The following FAM107A variants were observed in gnomAD, a reference collection of about 807,000 sequenced individuals.
FAM107A encodes family with sequence similarity 107 member A, also known as actin-associated protein FAM107A.
In FAM107A, 19 loss-of-function variants were observed where a neutral mutation model predicts 13.7. That is an observed-to-expected ratio of 1.38 (90% CI 0.97 to 2.03). The LOEUF is 2.03. Among genes scored for constraint, FAM107A ranks in the 30% most tolerant of loss-of-function variants. The pLI is 0.00. For synonymous variants in FAM107A, 82 were observed against 74.5 expected, an observed-to-expected ratio of 1.10 and a Z score of -0.52; for missense variants, 203 against 184.4, an observed-to-expected ratio of 1.10 and a Z score of -0.58.
rs1380744230 is a variant in FAM107A at position 58,567,231 on chromosome 3, T to C, written c.304A>G (p.Arg102Gly). Residue 102 changes from arginine (R) to glycine (G), a missense_variant, in exon 3 of 4, where the codon AGA becomes GGA. Arg to Gly is a moderately radical substitution (Grantham distance 125, BLOSUM62 -2). Coordinates refer to ENST00000360997, the MANE Select transcript of FAM107A (RefSeq NM_001076778.3). ...ACCTGGTTCAGCCTCTGCTGCCGTC[T>C]CAGCAGCTCCTGCTCAAAGGGGCAC... is the stretch of plus-strand genomic sequence containing the variant. ...LQCPFEQELL[R>G]RQQRLNQLEK... The C allele has an allele frequency of 1.9e-6, 3 of 1,614,062 alleles. No homozygotes were observed. Among genetic ancestry groups the C allele is most frequent in the African/African-American group, 2.7e-5 (2 of 74,924 alleles).
At position 58,569,460 on chromosome 3, in the gene FAM107A, A is replaced by T. The variant is rs1347840515; in HGVS notation, c.170+231T>A. Among the ~76,000 whole-genome samples the T allele has an allele frequency of 6.6e-6, 1 of 152,304 alleles. No individual in the cohort carries two copies. Among genetic ancestry groups the T allele is most frequent in the African/African-American group, 2.4e-5 (1 of 41,578 alleles). ...AATGTATCTGGAGTGTGGGCATGAA[A>T]TGGGTGGCTGGGCAAGAGAACAGGG... On this transcript the variant is annotated intron_variant, in intron 2 of 3. Coordinates refer to ENST00000360997, the MANE Select transcript of FAM107A (RefSeq NM_001076778.3). This position sits in a 1 kb window ranked among gnomAD's most constrained non-coding sequence, Gnocchi z 5.7.
At chr3:58,619,639 A>G in intron 1 of FAM107A, among the ~76,000 whole-genome samples, 1 of 151,950 alleles carries the variant, frequency 6.6e-6, no homozygotes, top group East Asian at 1.9e-4. Context: ...TGCTTCCCTC[A>G]TCATAGTACC....
At chr3:58,580,662 C>G (rs776134259), upstream of FAM107A, among the ~76,000 whole-genome samples, 73 of 152,078 alleles carry the variant, frequency 4.8e-4, no homozygotes, top group Admixed American at 1.6e-3. Context: ...GTTCCTCCTG[C>G]TTCAGCCTCC....
chr3:58,583,910 G>A (rs1009973579), intron 1 of FAM107A, among the ~76,000 whole-genome samples: 7 of 152,098 alleles, frequency 4.6e-5, no homozygotes, highest in Non-Finnish European at 1.0e-4. Context: ...TTGAACTCCC[G>A]GCCTCAAGGC....
At chr3:58,567,037 G>A (rs2063628794) in intron 3 of FAM107A, 171 bp downstream of exon 3, 1 of 784,372 alleles carries the variant, frequency 1.3e-6, no homozygotes, top group Non-Finnish European at 2.1e-6. Context: ...CTCGCCCTAA[G>A]GACCTAGCAA....
intron 1 of FAM107A, among the ~76,000 whole-genome samples, chr3:58,571,846 G>A (rs901894199): frequency 1.3e-5 from 2 of 152,152 alleles, no homozygotes; most frequent in African/African-American, 4.8e-5. Context: ...CTATTCACCT[G>A]TTCTTAGTCC....
chr3:58,620,231 G>T (rs2065940031), intron 1 of FAM107A, among the ~76,000 whole-genome samples: 1 of 152,208 alleles, frequency 6.6e-6, no homozygotes, highest in Non-Finnish European at 1.5e-5. Flanking sequence ...CTCTGTGAGT[G>T]TGATGGGGTT....
intron 1 of FAM107A, among the ~76,000 whole-genome samples, chr3:58,624,268 A>G (rs2065987633): frequency 6.6e-6 from 1 of 152,208 alleles, no homozygotes; most frequent in Non-Finnish European, 1.5e-5. Flanking sequence ...TCTGTGTGTT[A>G]AAATATCTTC....
chr3:58,617,681 C>T lies in FAM107A; in HGVS notation c.-70+9735G>A, dbSNP rs2065916310. 1.3e-5 allele frequency among the ~76,000 whole-genome samples: 2 copies of T among 152,070 alleles called. No homozygotes were observed. Among genetic ancestry groups the T allele is most frequent in the African/African-American group, 4.8e-5 (2 of 41,392 alleles). On this transcript the variant is annotated intron_variant, in intron 1 of 3. Coordinates refer to the FAM107A transcript ENST00000465970. This position sits in a 1 kb window ranked among gnomAD's most constrained non-coding sequence, Gnocchi z 4.5. ...GAGAAAACCGGCTTTTGATTTGGCC[C>T]CTCTTGCACCACCTCCAAACCCTTT...
chr3:58,573,028 G>A (rs1037336811), intron 1 of FAM107A, among the ~76,000 whole-genome samples: 20 of 133,662 alleles, frequency 1.5e-4, no homozygotes, highest in Non-Finnish European at 3.2e-4. Context: ...CTGGCTCAAT[G>A]ACTTGCTCCA....
intron 1 of FAM107A, among the ~76,000 whole-genome samples, chr3:58,592,810 A>T (rs2065664436): frequency 6.6e-6 from 1 of 152,204 alleles, no homozygotes; most frequent in South Asian, 2.1e-4. Context: ...AAGATGTTAC[A>T]GGGTAAAGTC....
At chr3:58,566,796 C>G in intron 3 of FAM107A, 101 bp from the exon 4 acceptor site, 1 of 858,714 alleles carries the variant, frequency 1.2e-6, no homozygotes, top group Non-Finnish European at 1.9e-6. Context: ...AGTGGGGAAA[C>G]AGAACCAACC....
upstream of FAM107A, chr3:58,589,271 T>A (rs760818212): frequency 4.6e-6 from 7 of 1,531,414 alleles, no homozygotes; most frequent in South Asian, 8.3e-5. Flanking sequence ...GTATGTTTTC[T>A]GTAAACAGAA....
chr3:58,566,282 G>T lies in FAM107A; in HGVS notation c.*306C>A, dbSNP rs1222617191. On this transcript the variant is annotated 3_prime_UTR_variant, in exon 4 of 4. Coordinates refer to ENST00000360997, the MANE Select transcript of FAM107A (RefSeq NM_001076778.3). ...AACAGAAGGCTTGTCAAGTCAGAGG[G>T]CCACCTCTTCCTCCTCAATTCTGCC... 6.4e-6 allele frequency: 2 copies of T among 314,548 alleles called. No individual in the cohort carries two copies. The highest frequency in any genetic ancestry group is 4.9e-5 in the Admixed American group (1 of 20,506). 19.5% of individuals were successfully genotyped at this position (314,548 alleles called of 1,614,324 possible). A position where few individuals can be genotyped will look rare whatever the true frequency, so the allele number is the denominator to read the frequency against.
At chr3:58,624,133 A>G (rs1412846863) in intron 1 of FAM107A, among the ~76,000 whole-genome samples, 1 of 152,196 alleles carries the variant, frequency 6.6e-6, no homozygotes, top group Non-Finnish European at 1.5e-5. Flanking sequence ...GTGTAATGCA[A>G]GGGCTTAAAA....
upstream of FAM107A, among the ~76,000 whole-genome samples, chr3:58,581,217 C>A (rs1306392743): frequency 6.6e-6 from 1 of 152,196 alleles, no homozygotes; most frequent in Non-Finnish European, 1.5e-5. Context: ...CTGGGCACAC[C>A]CCTCCTGTCT....
chr3:58,586,605 G>A (rs558645780), intron 1 of FAM107A, among the ~76,000 whole-genome samples: 1 of 152,078 alleles, frequency 6.6e-6, no homozygotes, highest in African/African-American at 2.4e-5. Flanking sequence ...GGGAGGATGG[G>A]GAGGATCGCT....
upstream of FAM107A, among the ~76,000 whole-genome samples, chr3:58,589,724 T>A (rs993672683): frequency 9.2e-5 from 14 of 152,244 alleles, no homozygotes; most frequent in Non-Finnish European, 1.6e-4. Context: ...CCTGAGTTTT[T>A]ACCTAATGTC....
chr3:58,566,603 T>C lies in FAM107A; in HGVS notation c.420A>G (p.Glu140=). The part of the protein sequence containing the change: ...NLRRIATLTS[E]EREL The stretch of plus-strand genomic sequence containing the variant: ...GCAGCTGGCCCTACAGCTCTCTCTC[T>C]TCGCTGGTCAGTGTGGCAATTCTCC... Residue 140 remains glutamate (E), a synonymous_variant, in exon 4 of 4, where the codon GAA becomes GAG. Transcript: ENST00000360997. 6.2e-7 allele frequency: 1 copy of C among 1,613,574 alleles called. No individual in the cohort carries two copies. Among genetic ancestry groups the C allele is most frequent in the Non-Finnish European group, 8.5e-7 (1 of 1,179,726 alleles).
Sources: allele counts gnomAD v4.1 joint callset (sites outside exome capture counted in the v4.1 genomes callset), GRCh38; gene constraint gnomAD v4.1.1; non-coding constraint Gnocchi (gnomAD v3.1); transcripts MANE v1.5; gene names NCBI Gene and HGNC (gene_info 2026-07-23, HGNC 2026-07-21).